MECOM: variants seen among roughly 807,000 people sequenced by gnomAD.
The protein encoded by MECOM is MDS1 and EVI1 complex locus.
MECOM carries 13 observed loss-of-function variants against 116.3 expected under a neutral mutation model. That is an observed-to-expected ratio of 0.11 (90% confidence interval 0.07 to 0.18). MECOM has a LOEUF of 0.18. Ranked by LOEUF, MECOM falls within the 10% of genes least tolerant of loss-of-function variation. The probability of loss-of-function intolerance (pLI) is 1.00; values close to 1 mark genes in which losing one functional copy is unlikely to be tolerated. For synonymous variants in MECOM, 528 were observed against 535.2 expected (o/e 0.99, Z 0.19); for missense variants, 1,299 against 1,509.0 (o/e 0.86, Z 2.31).
At chr3:169,259,144 G>A (rs534676635) in intron 2 of MECOM, among the ~76,000 whole-genome samples, 1 of 152,182 alleles carries the variant, frequency 6.6e-6, no homozygotes, top group South Asian at 2.1e-4. Context: ...AACACTATGT[G>A]GCCAAGGTGG....
At chr3:169,176,210 C>T (rs1390336730) in intron 2 of MECOM, among the ~76,000 whole-genome samples, 3 of 151,734 alleles carry the variant, frequency 2.0e-5, no homozygotes, top group Non-Finnish European at 4.4e-5. Flanking sequence ...CATTTAAAGC[C>T]ATCTTGGGCC....
chr3:169,104,403 T>C (rs1254510664), intron 10 of MECOM, among the ~76,000 whole-genome samples: 1 of 152,218 alleles, frequency 6.6e-6, no homozygotes, highest in Non-Finnish European at 1.5e-5. Context: ...ATCATTTTGA[T>C]ATTCCACCCA....
At chr3:169,130,504 C>G (rs1051716619) in intron 4 of MECOM, among the ~76,000 whole-genome samples, 2 of 141,734 alleles carry the variant, frequency 1.4e-5, no homozygotes, top group African/African-American at 5.1e-5. Flanking sequence ...TACAACTACT[C>G]TTGTATAACC....
chr3:169,565,963 A>G (rs569248929), intron 1 of MECOM: 1 of 446,730 alleles, frequency 2.2e-6, no homozygotes, highest in East Asian at 7.4e-5. Flanking sequence ...GGTTTAATCA[A>G]CTCACAGTTC....
intron 1 of MECOM, among the ~76,000 whole-genome samples, chr3:169,565,302 A>G (rs1326255129): frequency 6.6e-6 from 1 of 152,090 alleles, no homozygotes; most frequent in African/African-American, 2.4e-5. Context: ...CATCCTGGAG[A>G]ATGGTGTCAG....
intron 1 of MECOM, among the ~76,000 whole-genome samples, chr3:169,536,513 C>A (rs1168731263): frequency 1.3e-5 from 2 of 151,168 alleles, no homozygotes; most frequent in African/African-American, 2.4e-5. Flanking sequence ...TGGAACAAAG[C>A]TACTATGTCT....
At chr3:169,363,650 G>T in intron 2 of MECOM, among the ~76,000 whole-genome samples, 1 of 151,886 alleles carries the variant, frequency 6.6e-6, no homozygotes, top group East Asian at 1.9e-4. Flanking sequence ...TAAGAGGCTG[G>T]CAGACTGCAG....
At chr3:169,513,559 C>A (rs1381555683) in intron 1 of MECOM, among the ~76,000 whole-genome samples, 1 of 152,096 alleles carries the variant, frequency 6.6e-6, no homozygotes, top group Non-Finnish European at 1.5e-5. Flanking sequence ...AATGCTCAGT[C>A]CGGAATTTCT....
chr3:169,384,275 C>A (rs1007446117), intron 1 of MECOM, among the ~76,000 whole-genome samples: 3 of 152,072 alleles, frequency 2.0e-5, no homozygotes, highest in Non-Finnish European at 4.4e-5. Context: ...AACTTTTGAT[C>A]CTACAAAGCA....
chr3:169,211,609 G>A (rs1750742208), intron 2 of MECOM, among the ~76,000 whole-genome samples: 1 of 152,080 alleles, frequency 6.6e-6, no homozygotes, highest in Admixed American at 6.6e-5. Flanking sequence ...CTATTTCACA[G>A]ACAGTTTCTA....
intron 1 of MECOM, among the ~76,000 whole-genome samples, chr3:169,408,602 C>A (rs1737075771): frequency 6.6e-6 from 1 of 152,124 alleles, no homozygotes; most frequent in African/African-American, 2.4e-5. Flanking sequence ...CTTTAAAGAA[C>A]TTTCTCCTGT....
intron 8 of MECOM, among the ~76,000 whole-genome samples, chr3:169,113,723 T>G (rs1260466815): frequency 2.0e-5 from 3 of 152,154 alleles, no homozygotes; most frequent in Non-Finnish European, 4.4e-5. Context: ...CTTTTAGATA[T>G]GTGCACTCTT....
intron 1 of MECOM, among the ~76,000 whole-genome samples, chr3:169,591,509 T>A (rs1766407130): frequency 6.6e-6 from 1 of 152,188 alleles, no homozygotes; most frequent in Non-Finnish European, 1.5e-5. Flanking sequence ...TATTTCTCTT[T>A]GGTTTTTTGC....
intron 2 of MECOM, among the ~76,000 whole-genome samples, chr3:169,167,269 T>C (rs1209095990): frequency 6.6e-6 from 1 of 152,214 alleles, no homozygotes; most frequent in Non-Finnish European, 1.5e-5. Flanking sequence ...TTCCATTAGA[T>C]GGAAATTCCC....
chr3:169,606,830 C>G (rs906105506), intron 1 of MECOM, among the ~76,000 whole-genome samples: 2 of 152,162 alleles, frequency 1.3e-5, no homozygotes, highest in Non-Finnish European at 2.9e-5. Context: ...CAGGAAGCTT[C>G]TTTTTATAAA....
chr3:169,441,700 T>TTAG (rs1488084798), intron 1 of MECOM, among the ~76,000 whole-genome samples: 2 of 151,838 alleles, frequency 1.3e-5, no homozygotes, highest in Non-Finnish European at 2.9e-5. Context: ...GATGCTTTTT[T>TTAG]TAGCTATGTT....
intron 1 of MECOM, chr3:169,466,984 A>G (rs1370885462): frequency 6.6e-6 from 1 of 152,220 alleles, no homozygotes; most frequent in African/African-American, 2.4e-5. Flanking sequence ...GAAATGTACA[A>G]AAATAATTGA....
chr3:169,266,276 C>T (rs1206069983), intron 2 of MECOM, among the ~76,000 whole-genome samples: 1 of 152,190 alleles, frequency 6.6e-6, no homozygotes, highest in Non-Finnish European at 1.5e-5. Context: ...CCCATAAACA[C>T]ATCTGTTAGT....
chr3:169,245,317 AG>A (rs140820464), intron 2 of MECOM, among the ~76,000 whole-genome samples: 2,506 of 152,338 alleles, frequency 0.016, 37 homozygotes, highest in Non-Finnish European at 0.021. Flanking sequence ...GCCACAAGAT[AG>A]AAGAAAAATT....
Sources: gnomAD v4.1 joint callset for allele counts (sites outside exome capture counted in the v4.1 genomes callset) on GRCh38, gnomAD v4.1.1 for gene constraint, MANE v1.5 for transcripts, NCBI Gene and HGNC (gene_info 2026-07-23, HGNC 2026-07-21) for gene names.